Variants in HERC2 observed in about 807,000 individuals in gnomAD.
The protein encoded by HERC2 is HECT and RLD domain containing E3 ubiquitin protein ligase 2.
Under a neutral mutation model 537.7 loss-of-function variants are expected in HERC2, and 102 were observed. The observed-to-expected ratio is 0.19, with a 90% CI of 0.16 to 0.22. The LOEUF (loss-of-function observed/expected upper bound fraction) is 0.22, where lower values mean the gene tolerates loss of function less well. HERC2 is among the 10% of genes least tolerant of loss of function. HERC2 has a pLI of 1.00. For missense variants in HERC2, 4,236 were observed against 6,198.2 expected (o/e 0.68, Z 10.63); for synonymous variants, 2,224 against 2,466.2 (o/e 0.90, Z 2.91).
intron 21 of HERC2, 21 bp from the exon 22 acceptor site, chr15:28,246,918 T>G (rs1274588732): frequency 6.3e-7 from 1 of 1,590,904 alleles, no homozygotes. Flanking sequence ...GATTGAGAAA[T>G]TTTCATTTTC....
intron 86 of HERC2, chr15:28,117,789 TA>T (rs1362086946): frequency 2.8e-6 from 1 of 352,410 alleles, no homozygotes; most frequent in Non-Finnish European, 5.6e-6. Context: ...CTACAATTGC[TA>T]AAGGCTCAGG....
chr15:28,178,478 T>C (rs1379654893), intron 59 of HERC2, among the ~76,000 whole-genome samples: 16 of 152,224 alleles, frequency 1.1e-4, no homozygotes, highest in Non-Finnish European at 2.9e-5. Flanking sequence ...CAAGTTACAC[T>C]GAGCCCCGTT....
intron 81 of HERC2, among the ~76,000 whole-genome samples, chr15:28,131,012 G>T (rs1231880192): frequency 2.0e-5 from 3 of 152,150 alleles, no homozygotes; most frequent in African/African-American, 4.8e-5. Context: ...GGGGAGGGAT[G>T]GCCAAAAGCA....
intron 71 of HERC2, 140 bp downstream of exon 71, chr15:28,146,097 C>G: frequency 1.6e-6 from 1 of 635,234 alleles, no homozygotes; most frequent in Non-Finnish European, 2.8e-6. Context: ...CACTGTGTTT[C>G]ACAGCTGAAT....
intron 2 of HERC2, among the ~76,000 whole-genome samples, chr15:28,311,431 T>C (rs2076943128): frequency 6.6e-6 from 1 of 152,272 alleles, no homozygotes; most frequent in Non-Finnish European, 1.5e-5. Flanking sequence ...TGCCACTGCA[T>C]TCCAGCCTGG....
chr15:28,287,188 A>G (rs1210410754), intron 4 of HERC2, among the ~76,000 whole-genome samples: 3 of 152,228 alleles, frequency 2.0e-5, no homozygotes, highest in African/African-American at 7.2e-5. Context: ...TATGGCTCAA[A>G]TTAATGTGTT....
chr15:28,183,895 A>T (rs1896053136), intron 56 of HERC2, among the ~76,000 whole-genome samples: 1 of 152,206 alleles, frequency 6.6e-6, no homozygotes, highest in Non-Finnish European at 1.5e-5. Context: ...TTACTTAAAA[A>T]TATGTATGGG....
Position 28,198,398 on chromosome 15 carries a change from T to C in HERC2, c.7991A>G (p.Gln2664Arg). The C allele has an allele frequency of 6.2e-7, 1 of 1,612,756 alleles. No individual in the cohort carries two copies. The highest frequency in any genetic ancestry group is 8.5e-7 in the Non-Finnish European group (1 of 1,179,916). The change falls in exon 50 of 93, where the codon CAG becomes CGG. Residue 2664 changes from glutamine to arginine, a missense_variant. Physicochemically the swap from Gln to Arg is conservative, Grantham distance 43. Around this residue, in one of 27 missense-constraint regions of HERC2, gnomAD observed 606 missense variants for 884.5 expected, o/e 0.69. Transcript: ENST00000261609. The stretch of plus-strand genomic sequence containing the variant: ...ATTACCTTTCACAACCCCCACACTC[T>C]GATGAGTCACAGATCCCCATTTGTA... ...PKYKWGSVTH[Q>R]SVGVVKAFSA...
chr15:28,228,426 C>T lies in HERC2; in HGVS notation c.5273-17G>A. 6.2e-7 allele frequency: 1 copy of T among 1,610,452 alleles called. No homozygotes were observed. Among genetic ancestry groups the T allele is most frequent in the African/African-American group, 1.3e-5 (1 of 74,918 alleles). ...GCTGGATACCTAATGAGCATTGGCA[C>T]CTACTGACATTTCTTGTGATGGATA... is the stretch of plus-strand genomic sequence containing the variant. On this transcript the variant is annotated splice_polypyrimidine_tract_variant and intron_variant, in intron 34 of 92. Coordinates refer to ENST00000261609, the MANE Select transcript of HERC2 (RefSeq NM_004667.6).
intron 35 of HERC2, 37 bp from the exon 36 acceptor site, chr15:28,222,252 G>C: frequency 2.5e-6 from 3 of 1,208,076 alleles, no homozygotes; most frequent in South Asian, 2.3e-5. Flanking sequence ...GAGCCAACAA[G>C]TAGCTACAGT....
At chr15:28,140,709 A>G (rs938679340) in intron 78 of HERC2, among the ~76,000 whole-genome samples, 9 of 151,640 alleles carry the variant, frequency 5.9e-5, no homozygotes, top group African/African-American at 2.2e-4. Flanking sequence ...TTTCGTAGAG[A>G]CAGGGTTTTC....
chr15:28,126,302 G>A (rs990547148), intron 83 of HERC2, among the ~76,000 whole-genome samples: 4 of 152,120 alleles, frequency 2.6e-5, no homozygotes, highest in Admixed American at 6.5e-5. Context: ...CATTTTCCAC[G>A]CTCCACTATG....
intron 2 of HERC2, among the ~76,000 whole-genome samples, chr15:28,302,338 ATCCCAT>A (rs2076659013): frequency 6.6e-6 from 1 of 151,230 alleles, no homozygotes; most frequent in Non-Finnish European, 1.5e-5. Context: ...AAACGGCAGT[ATCCCAT>A]TCTTTTTCAT....
intron 81 of HERC2, 89 bp downstream of exon 81, chr15:28,132,011 G>T: frequency 8.8e-7 from 1 of 1,141,478 alleles, no homozygotes; most frequent in Non-Finnish European, 1.2e-6. Flanking sequence ...AGTAATGGTG[G>T]CTCTGAGGCT....
At chr15:28,310,255 G>A (rs2076904679) in intron 2 of HERC2, among the ~76,000 whole-genome samples, 1 of 152,160 alleles carries the variant, frequency 6.6e-6, no homozygotes, top group African/African-American at 2.4e-5. Flanking sequence ...AGACCAGCCT[G>A]AACAACATGG....
chr15:28,245,398 T>C (rs991164516), intron 23 of HERC2, among the ~76,000 whole-genome samples: 29 of 151,806 alleles, frequency 1.9e-4, no homozygotes, highest in African/African-American at 6.8e-4. Flanking sequence ...AATACAAAAG[T>C]AAGCTGGGCA....
At chr15:28,258,631 C>CA (rs56781260) in intron 16 of HERC2, among the ~76,000 whole-genome samples, 9 of 151,484 alleles carry the variant, frequency 5.9e-5, no homozygotes, top group Non-Finnish European at 8.8e-5. Context: ...TTATCTATTA[C>CA]AAAAAAAAGA....
At chr15:28,310,837 G>A (rs2076921782) in intron 2 of HERC2, among the ~76,000 whole-genome samples, 1 of 152,234 alleles carries the variant, frequency 6.6e-6, no homozygotes, top group South Asian at 2.1e-4. Flanking sequence ...CAGCACTTTG[G>A]GAGGCCGAAG....
At chr15:28,290,272 T>C (rs978548747) in intron 4 of HERC2, among the ~76,000 whole-genome samples, 9 of 152,150 alleles carry the variant, frequency 5.9e-5, no homozygotes, top group African/African-American at 2.2e-4. Flanking sequence ...CAACTTGATC[T>C]CATTAAGCTT....
Sources: gnomAD v4.1 joint callset for allele counts (sites outside exome capture counted in the v4.1 genomes callset) on GRCh38, gnomAD v4.1.1 for gene constraint, gnomAD v4.1.1 regional missense constraint, MANE v1.5 for transcripts, NCBI Gene and HGNC (gene_info 2026-07-23, HGNC 2026-07-21) for gene names.